LRBA: variants seen among roughly 807,000 people sequenced by gnomAD.
LRBA encodes the protein lipopolysaccharide-responsive and beige-like anchor protein.
Under a neutral mutation model 330.0 loss-of-function variants are expected in LRBA, and 176 were observed. The observed-to-expected ratio is 0.53, with a 90% CI of 0.47 to 0.60. LRBA has a LOEUF of 0.60. Among genes scored for constraint, LRBA ranks in the 20% least tolerant of loss-of-function variants. LRBA has a pLI of 0.00. For missense variants in LRBA, 3,259 were observed against 3,444.8 expected (o/e 0.95, Z 1.35); for synonymous variants, 1,230 against 1,193.0 (o/e 1.03, Z -0.64).
At chr4:150,382,177 G>A (rs1742365601) in intron 47 of LRBA, among the ~76,000 whole-genome samples, 1 of 152,140 alleles carries the variant, frequency 6.6e-6, no homozygotes, top group South Asian at 2.1e-4. Flanking sequence ...TATATAGGAA[G>A]CCATTGCCTA....
chr4:150,560,831 A>G (rs1768227895), intron 40 of LRBA, among the ~76,000 whole-genome samples: 1 of 152,148 alleles, frequency 6.6e-6, no homozygotes, highest in Non-Finnish European at 1.5e-5. Context: ...TACTAAAAAT[A>G]CAAAATTAGT....
In LRBA at chr4:150,844,739, C is replaced by T; in HGVS notation, c.4380G>A (p.Gln1460=). 6.2e-7 allele frequency: 1 copy of T among 1,612,780 alleles called. No individual in the cohort carries two copies. Among genetic ancestry groups the T allele is most frequent in the East Asian group, 2.2e-5 (1 of 44,822 alleles). The change falls in exon 27 of 57, where the codon CAG becomes CAA. Residue 1460 remains glutamine (Q), a synonymous_variant. Coordinates refer to ENST00000651943, the MANE Select transcript of LRBA (RefSeq NM_001364905.1). The part of the protein sequence containing the change: ...VAVRNCLECQ[Q]HSQLKTRGDK... ...CTCCCCTAGTTTTCAGTTGTGAATG[C>T]TGTTGACACTCCAAGCAATTCCTTA...
In LRBA at chr4:150,476,188, T is replaced by C. The variant is rs114528853; in HGVS notation, c.6552-4449A>G. Among the ~76,000 whole-genome samples the C allele has an allele frequency of 9.1e-3, 1,389 of 152,300 alleles. 7 individuals are homozygous for C. The highest frequency in any genetic ancestry group is 0.015 in the Non-Finnish European group (1,044 of 68,012). On this transcript the variant is annotated intron_variant, in intron 42 of 56. Transcript: ENST00000651943. ...CCTCTACTGTCTAACAGTAGAAGCA[T>C]AGGTTATTGATTTGAGGAATTTATT...
chr4:150,775,076 A>G (rs1737084173), intron 34 of LRBA, among the ~76,000 whole-genome samples: 1 of 152,090 alleles, frequency 6.6e-6, no homozygotes, highest in Non-Finnish European at 1.5e-5. Context: ...ACTGAATGCC[A>G]CCACTTGGCT....
intron 2 of LRBA, among the ~76,000 whole-genome samples, chr4:150,948,332 T>C (rs1160546063): frequency 6.6e-6 from 1 of 151,932 alleles, no homozygotes; most frequent in Non-Finnish European, 1.5e-5. Flanking sequence ...CCCACACAAA[T>C]ATTCTGAACA....
Position 150,831,896 on chromosome 4 carries a change from G to A in LRBA, c.4650C>T (p.Asp1550=). The A allele has an allele frequency of 6.2e-7, 1 of 1,604,620 alleles. No homozygotes were observed. ...ISVLMVSKYR[D]ILEPQNERHS... ...GCCTTTCATTTTGGGGTTCCAAAAT[G>A]TCTCTGTACTTGGAGACCATAAGAA... is the stretch of plus-strand genomic sequence containing the variant. The change falls in exon 29 of 57, where the codon GAC becomes GAT. Residue 1550 remains aspartate (D), a synonymous_variant. Coordinates refer to ENST00000651943, the MANE Select transcript of LRBA (RefSeq NM_001364905.1).
chr4:150,891,709 AGTGT>A (rs1579112433), intron 17 of LRBA, among the ~76,000 whole-genome samples: 1 of 152,170 alleles, frequency 6.6e-6, no homozygotes, highest in Non-Finnish European at 1.5e-5. Context: ...CTCTCTCGTG[AGTGT>A]GTGCATGGAC....
At chr4:150,347,996 A>C (rs569168339) in intron 48 of LRBA, among the ~76,000 whole-genome samples, 5 of 152,348 alleles carry the variant, frequency 3.3e-5, no homozygotes, top group African/African-American at 1.2e-4. Flanking sequence ...ATTAAAATTA[A>C]GCATTTAGTT....
At chr4:150,900,311 T>C in intron 13 of LRBA, 94 bp from the exon 14 acceptor site, 1 of 820,360 alleles carries the variant, frequency 1.2e-6, no homozygotes, top group Non-Finnish European at 1.9e-6. Context: ...ACCACGCTTC[T>C]TCCAAAAAGT....
intron 28 of LRBA, among the ~76,000 whole-genome samples, chr4:150,833,493 A>G (rs1340797395): frequency 6.6e-6 from 1 of 152,200 alleles, no homozygotes; most frequent in Non-Finnish European, 1.5e-5. Context: ...GGCTATCACA[A>G]TAAAGTGAGT....
chr4:150,482,634 C>A (rs1757417833), intron 42 of LRBA, among the ~76,000 whole-genome samples: 1 of 152,060 alleles, frequency 6.6e-6, no homozygotes, highest in African/African-American at 2.4e-5. Context: ...AGAAGTCGTA[C>A]CACTTTACTT....
intron 48 of LRBA, among the ~76,000 whole-genome samples, chr4:150,345,572 G>A (rs1029621289): frequency 3.3e-5 from 5 of 152,200 alleles, no homozygotes; most frequent in South Asian, 4.2e-4. Context: ...CATGCCAGGC[G>A]GTTTACATGC....
At chr4:150,350,492 C>A (rs1349595430) in intron 47 of LRBA, among the ~76,000 whole-genome samples, 1 of 151,552 alleles carries the variant, frequency 6.6e-6, no homozygotes, top group African/African-American at 2.4e-5. Context: ...ATCGCTTGAA[C>A]CTGGGAGGCA....
chr4:150,606,532 A>C (rs904352201), intron 37 of LRBA, among the ~76,000 whole-genome samples: 3 of 152,186 alleles, frequency 2.0e-5, no homozygotes, highest in African/African-American at 7.2e-5. Context: ...TAAATATAAA[A>C]AAAATAAGTT....
intron 49 of LRBA, among the ~76,000 whole-genome samples, chr4:150,325,460 C>T (rs1733119072): frequency 6.6e-6 from 1 of 152,082 alleles, no homozygotes; most frequent in Non-Finnish European, 1.5e-5. Flanking sequence ...ATAAACACAA[C>T]AGCAAAACTA....
intron 51 of LRBA, among the ~76,000 whole-genome samples, chr4:150,311,741 GA>G (rs199865881): frequency 0.011 from 1,647 of 152,272 alleles, 27 homozygotes; most frequent in African/African-American, 0.038. Flanking sequence ...CAGCAGTAGT[GA>G]AAAGGGCAGA....
intron 37 of LRBA, among the ~76,000 whole-genome samples, chr4:150,629,347 T>A (rs895159801): frequency 2.6e-5 from 4 of 152,198 alleles, no homozygotes; most frequent in African/African-American, 9.6e-5. Flanking sequence ...CTCCTTTTTT[T>A]AAAGGTATAG....
At chr4:150,797,923 G>C (rs933377866) in intron 34 of LRBA, among the ~76,000 whole-genome samples, 158 bp downstream of exon 34, 4 of 152,052 alleles carry the variant, frequency 2.6e-5, no homozygotes, top group Admixed American at 2.6e-4. Context: ...TCAAAAATAA[G>C]AAGTAATCCT....
At chr4:150,346,934 C>A (rs1736447335) in intron 48 of LRBA, among the ~76,000 whole-genome samples, 1 of 151,964 alleles carries the variant, frequency 6.6e-6, no homozygotes. Context: ...CCACATTGTT[C>A]ATAATAGCCA....
Sources: gnomAD v4.1 joint callset for allele counts (sites outside exome capture counted in the v4.1 genomes callset) on GRCh38, gnomAD v4.1.1 for gene constraint, MANE v1.5 for transcripts, NCBI Gene and HGNC (gene_info 2026-07-23, HGNC 2026-07-21) for gene names.